NOX4: variants seen among roughly 807,000 people sequenced by gnomAD.
NOX4 encodes kidney oxidase-1.
In NOX4, 69 loss-of-function variants were observed where a neutral mutation model predicts 87.6. The ratio of observed to expected loss-of-function variants is 0.79; its 90% CI spans 0.65 to 0.96. NOX4 has a LOEUF of 0.96. Ranked by LOEUF, NOX4 falls within the 40% of genes least tolerant of loss-of-function variation. The pLI is 0.00. For missense variants in NOX4, 680 were observed against 681.5 expected (o/e 1.00, Z 0.02); for synonymous variants, 275 against 238.2 (o/e 1.15, Z -1.42).
chr11:89,543,576 T>C, the NOX4 span, among the ~76,000 whole-genome samples: 1 of 152,090 alleles, frequency 6.6e-6, no homozygotes, highest in Non-Finnish European at 1.5e-5. Context: ...GGAAAAGTGA[T>C]AGAATGATAA....
Position 89,327,432 on chromosome 11 carries a change from CAT to C in NOX4, c.1617-558_1617-557del, listed in dbSNP as rs539649754. 1.2e-3 allele frequency among the ~76,000 whole-genome samples: 183 copies of C among 152,246 alleles called. 1 individual carries two copies. Among genetic ancestry groups the C allele is most frequent in the Admixed American group, 8.6e-3 (131 of 15,286 alleles). ...TTTATATTCACAGTAAAACAAAAAA[CAT>C]ATTCATCTAGTTCTTTTTTATTTAT... is the stretch of plus-strand genomic sequence containing the variant. On this transcript the variant is annotated intron_variant, in intron 17 of 17. Coordinates refer to ENST00000263317, the MANE Select transcript of NOX4 (RefSeq NM_016931.5).
intron 6 of NOX4, among the ~76,000 whole-genome samples, chr11:89,440,228 T>G (rs1211600839): frequency 6.6e-6 from 1 of 152,226 alleles, no homozygotes. Flanking sequence ...CTCCAAATAT[T>G]TATTCTTACA....
chr11:89,560,990 C>CTA, the NOX4 span, among the ~76,000 whole-genome samples: 359 of 73,402 alleles, frequency 4.9e-3, 2 homozygotes, highest in Admixed American at 0.015. Flanking sequence ...CTCTCTCTCT[C>CTA]TCTCTCTATA....
chr11:89,566,956 G>C, the NOX4 span, among the ~76,000 whole-genome samples: 1 of 152,162 alleles, frequency 6.6e-6, no homozygotes, highest in African/African-American at 2.4e-5. Context: ...TTGGAGAAGT[G>C]TCAGCCTTTG....
chr11:89,437,524 G>A (rs1190208234), intron 6 of NOX4, among the ~76,000 whole-genome samples: 1 of 152,004 alleles, frequency 6.6e-6, no homozygotes, highest in African/African-American at 2.4e-5. Context: ...TGATGACCTG[G>A]GAAGTGGATG....
At chr11:89,438,259 TATATA>T (rs1944183786) in intron 6 of NOX4, among the ~76,000 whole-genome samples, 1 of 137,210 alleles carries the variant, frequency 7.3e-6, no homozygotes, top group Admixed American at 8.3e-5. Flanking sequence ...ATTATTATTA[TATATA>T]ATATATAATA....
chr11:89,436,262 GT>G (rs1944077992), intron 6 of NOX4, among the ~76,000 whole-genome samples: 1 of 152,152 alleles, frequency 6.6e-6, no homozygotes, highest in Admixed American at 6.6e-5. Context: ...TAAGCACTGA[GT>G]GCTTTCAGGG....
At chr11:89,434,177 A>G (rs1339871723) in intron 6 of NOX4, among the ~76,000 whole-genome samples, 1 of 152,090 alleles carries the variant, frequency 6.6e-6, no homozygotes, top group Non-Finnish European at 1.5e-5. Context: ...AGAGCAACAC[A>G]GGTGTGTATC....
In NOX4 at chr11:89,362,253, C is replaced by T. The variant is rs529300591; in HGVS notation, c.1136-7210G>A. On this transcript the variant is annotated intron_variant, in intron 12 of 17. Coordinates refer to ENST00000263317, the MANE Select transcript of NOX4 (RefSeq NM_016931.5). ...GTGCTTCATAGATCTCCACTTTGTA[C>T]TGAGAACTTCTACCAAGTTCTCGGC... 2.6e-5 allele frequency among the ~76,000 whole-genome samples: 4 copies of T among 152,118 alleles called. No individual in the cohort carries two copies. The South Asian group carries it at 8.3e-4, about 32-fold the overall frequency.
At chr11:89,488,836 C>A in intron 2 of NOX4, 1 of 539,488 alleles carries the variant, frequency 1.9e-6, no homozygotes, top group Non-Finnish European at 3.3e-6. Context: ...AAAAAGTTAT[C>A]AGACCTCATG....
chr11:89,361,042 G>A (rs1938485582), intron 12 of NOX4, among the ~76,000 whole-genome samples: 1 of 152,074 alleles, frequency 6.6e-6, no homozygotes, highest in Admixed American at 6.6e-5. Flanking sequence ...AATACATGGA[G>A]ATTCCTTAAA....
chr11:89,507,396 A>C, the NOX4 span, among the ~76,000 whole-genome samples: 1 of 151,230 alleles, frequency 6.6e-6, no homozygotes, highest in Non-Finnish European at 1.5e-5. Context: ...ATATATAATA[A>C]TACACATAAT....
chr11:89,356,436 A>AAAAG (rs76942919), intron 12 of NOX4, among the ~76,000 whole-genome samples: 5 of 150,836 alleles, frequency 3.3e-5, no homozygotes, highest in African/African-American at 1.2e-4. Flanking sequence ...GGGGAAAAAA[A>AAAAG]AAGGACAAAG....
At chr11:89,374,687 T>C (rs1939706044) in intron 11 of NOX4, among the ~76,000 whole-genome samples, 1 of 152,062 alleles carries the variant, frequency 6.6e-6, no homozygotes, top group East Asian at 1.9e-4. Context: ...TAAAGATACA[T>C]AAAATGGGTG....
chr11:89,422,950 C>T (rs1037476829), intron 7 of NOX4, among the ~76,000 whole-genome samples: 1 of 151,994 alleles, frequency 6.6e-6, no homozygotes, highest in Admixed American at 6.6e-5. Flanking sequence ...CAGGCACTCG[C>T]CACCATGACC....
intron 7 of NOX4, among the ~76,000 whole-genome samples, chr11:89,426,808 C>G (rs149015879): frequency 6.6e-6 from 1 of 152,080 alleles, no homozygotes; most frequent in Admixed American, 6.5e-5. Context: ...AGGGCATAGC[C>G]GAACAAAAGG....
the NOX4 span, among the ~76,000 whole-genome samples, chr11:89,572,850 A>G: frequency 6.6e-6 from 1 of 152,072 alleles, no homozygotes; most frequent in Non-Finnish European, 1.5e-5. Context: ...TACATTAAAT[A>G]TTTTTAGTAT....
At chr11:89,581,412 T>G in the NOX4 span, among the ~76,000 whole-genome samples, 7 of 152,330 alleles carry the variant, frequency 4.6e-5, no homozygotes, top group East Asian at 1.3e-3. Context: ...TTTCAGCACT[T>G]AATATATAAC....
chr11:89,584,414 T>C, the NOX4 span, among the ~76,000 whole-genome samples: 1 of 152,160 alleles, frequency 6.6e-6, no homozygotes, highest in East Asian at 1.9e-4. Flanking sequence ...TAATCAACCT[T>C]TTAAATGGAC....
Sources: allele counts gnomAD v4.1 joint callset (sites outside exome capture counted in the v4.1 genomes callset), GRCh38; gene constraint gnomAD v4.1.1; transcripts MANE v1.5; gene names NCBI Gene and HGNC (gene_info 2026-07-23, HGNC 2026-07-21).